The following PATJ variants were observed in gnomAD, a reference collection of about 807,000 sequenced individuals.
PATJ encodes inaD-like protein.
In PATJ, 190 loss-of-function variants were observed where a neutral mutation model predicts 224.9. The observed-to-expected ratio is 0.84, with a 90% CI of 0.75 to 0.95. PATJ has a LOEUF of 0.95. Among genes scored for constraint, PATJ ranks in the 40% least tolerant of loss-of-function variants. The pLI, the probability that PATJ is intolerant of heterozygous loss-of-function variation, is 0.00. For synonymous variants in PATJ, 769 were observed against 820.3 expected (o/e 0.94, Z 1.07); for missense variants, 2,121 against 2,270.3 (o/e 0.93, Z 1.34).
chr1:61,751,600 C>G (rs1160352311), intron 1 of PATJ, among the ~76,000 whole-genome samples: 3 of 148,024 alleles, frequency 2.0e-5, no homozygotes, highest in Admixed American at 2.0e-4. Flanking sequence ...CCAAGGCAGG[C>G]AGATCATCTG....
chr1:61,769,290 A>G lies in PATJ; in HGVS notation c.392A>G (p.Gln131Arg), dbSNP rs1646468803. 3.7e-6 allele frequency: 6 copies of G among 1,603,672 alleles called. No individual in the cohort carries two copies. The highest frequency in any genetic ancestry group is 1.7e-5 in the Admixed American group (1 of 57,324). ...TTAACGCTCCTTCATTAGGGCCGGC[A>G]AATTGAATATATAGATATAGAACGG... The part of the protein sequence containing the change: ...SVIQQMAQGR[Q>R]IEYIDIERPS... Residue 131 changes from glutamine to arginine, a missense_variant, in exon 5 of 44, where the codon CAA (glutamine) becomes CGA (arginine). Transcript: ENST00000642238.
chr1:62,115,652 GGA>G (rs2148896371), intron 35 of PATJ, among the ~76,000 whole-genome samples: 1 of 148,002 alleles, frequency 6.8e-6, no homozygotes, highest in African/African-American at 2.5e-5. Flanking sequence ...CAGGGCTATA[GGA>G]TTTCCAGGTA....
At chr1:61,956,862 T>A (rs1304699087) in intron 27 of PATJ, among the ~76,000 whole-genome samples, 1 of 152,248 alleles carries the variant, frequency 6.6e-6, no homozygotes, top group Non-Finnish European at 1.5e-5. Flanking sequence ...TTTCAACTGT[T>A]CCTTGAGAAC....
At position 62,079,525 on chromosome 1, in the gene PATJ, G is replaced by C. The variant is rs1041729435; in HGVS notation, c.4201G>C (p.Ala1401Pro). The stretch of plus-strand genomic sequence containing the variant: ...TTCACAAGAGATACCATTAGCACCA[G>C]CTTCATCATACCATTCAACAGATGC... ...FSSQEIPLAP[A>P]SSYHSTDADF... Residue 1401 changes from alanine to proline, a missense_variant, in exon 32 of 44, where the codon GCT becomes CCT. Physicochemically the swap from Ala to Pro is conservative, Grantham distance 27 (BLOSUM62 -1). Coordinates refer to ENST00000642238, the MANE Select transcript of PATJ (RefSeq NM_001350145.3). 2 of 1,613,400 alleles carry C rather than the reference G, an allele frequency of 1.2e-6. No individual in the cohort carries two copies. Among genetic ancestry groups the C allele is most frequent in the Admixed American group, 3.3e-5 (2 of 60,006 alleles).
intron 27 of PATJ, among the ~76,000 whole-genome samples, chr1:61,977,793 T>G (rs1644221333): frequency 6.6e-6 from 1 of 151,152 alleles, no homozygotes; most frequent in African/African-American, 2.4e-5. Context: ...GGCAGGAGGA[T>G]CCCTGCGGCC....
At chr1:62,121,869 T>C (rs1034975631) in intron 38 of PATJ, among the ~76,000 whole-genome samples, 11 of 152,010 alleles carry the variant, frequency 7.2e-5, no homozygotes, top group African/African-American at 2.7e-4. Flanking sequence ...ATAAAATTAC[T>C]TACAAAGAGA....
intron 30 of PATJ, among the ~76,000 whole-genome samples, chr1:62,045,215 C>T (rs930589617): frequency 6.6e-6 from 1 of 151,248 alleles, no homozygotes; most frequent in Non-Finnish European, 1.5e-5. Context: ...CCGTGAAACT[C>T]CGTCTCAAAT....
At chr1:61,743,039 T>G in intron 1 of PATJ, among the ~76,000 whole-genome samples, 2 of 150,802 alleles carry the variant, frequency 1.3e-5, no homozygotes, top group African/African-American at 2.4e-5. Context: ...TCGGTGGCCG[T>G]GGAAGGAGGG....
At chr1:61,966,480 G>C (rs143387479) in intron 27 of PATJ, among the ~76,000 whole-genome samples, 9,068 of 152,110 alleles carry the variant, frequency 0.06, 922 homozygotes, top group African/African-American at 0.21. Flanking sequence ...GAAGTCAGGA[G>C]TTCAAGACCA....
intron 1 of PATJ, among the ~76,000 whole-genome samples, chr1:61,743,101 G>A (rs892981001): frequency 6.6e-6 from 1 of 152,214 alleles, no homozygotes; most frequent in Non-Finnish European, 1.5e-5. Flanking sequence ...GGCTGAGGGG[G>A]CGACTTGGGC....
intron 27 of PATJ, among the ~76,000 whole-genome samples, chr1:61,975,334 C>G (rs1244951831): frequency 6.6e-6 from 1 of 152,018 alleles, no homozygotes; most frequent in Non-Finnish European, 1.5e-5. Flanking sequence ...TGAAAGATCT[C>G]AAATCATATT....
intron 40 of PATJ, 119 bp downstream of exon 40, chr1:62,128,213 G>C (rs1472860599): frequency 2.8e-6 from 3 of 1,076,144 alleles, no homozygotes; most frequent in Non-Finnish European, 4.1e-6. Flanking sequence ...CCCAGGCTGA[G>C]GGCAAGATGC....
chr1:61,906,421 G>A (rs1671866363), intron 24 of PATJ, among the ~76,000 whole-genome samples: 1 of 152,082 alleles, frequency 6.6e-6, no homozygotes, highest in African/African-American at 2.4e-5. Flanking sequence ...CTATCCAGGG[G>A]ATCTACCCCA....
intron 37 of PATJ, chr1:62,117,443 A>C (rs1664562248): frequency 7.3e-7 from 1 of 1,370,164 alleles, no homozygotes; most frequent in African/African-American, 1.5e-5. Context: ...GTTTTCTTGG[A>C]AGCTCTTTTC....
chr1:62,012,996 G>A (rs1192174323), intron 28 of PATJ, among the ~76,000 whole-genome samples: 3 of 152,230 alleles, frequency 2.0e-5, no homozygotes, highest in Non-Finnish European at 2.9e-5. Context: ...TCGGCATGTT[G>A]CCGGGAGCAG....
At chr1:62,004,407 TG>T (rs1645971147) in intron 28 of PATJ, among the ~76,000 whole-genome samples, 2 of 152,342 alleles carry the variant, frequency 1.3e-5, no homozygotes, top group Admixed American at 1.3e-4. Flanking sequence ...TTTCTTGGTC[TG>T]GGGTTTCTAC....
intron 29 of PATJ, among the ~76,000 whole-genome samples, chr1:62,024,600 A>G (rs917171983): frequency 2.0e-5 from 3 of 150,494 alleles, no homozygotes; most frequent in Non-Finnish European, 2.9e-5. Flanking sequence ...CAATATTTAT[A>G]CTATTTGCCC....
chr1:61,774,608 C>G (rs1245501359), intron 6 of PATJ, among the ~76,000 whole-genome samples: 1 of 152,166 alleles, frequency 6.6e-6, no homozygotes, highest in African/African-American at 2.4e-5. Context: ...TCTTCTAAAC[C>G]TTTAACTATT....
chr1:61,835,299 G>A (rs1464952662), intron 17 of PATJ, among the ~76,000 whole-genome samples: 1 of 151,962 alleles, frequency 6.6e-6, no homozygotes, highest in Non-Finnish European at 1.5e-5. Flanking sequence ...CTTCCCCATT[G>A]TAGCTATATT....
Sources: allele counts gnomAD v4.1 joint callset (sites outside exome capture counted in the v4.1 genomes callset), GRCh38; gene constraint gnomAD v4.1.1; transcripts MANE v1.5; gene names NCBI Gene and HGNC (gene_info 2026-07-23, HGNC 2026-07-21).